LMX1A: variants seen among roughly 807,000 people sequenced by gnomAD.
LMX1A encodes the protein LIM homeobox transcription factor 1 alpha, also known as LIM homeobox transcription factor 1-alpha.
Under a neutral mutation model 49.1 loss-of-function variants are expected in LMX1A, and 15 were observed. The observed-to-expected ratio is 0.31, with a 90% CI of 0.20 to 0.47. LMX1A has a LOEUF of 0.47. Among genes scored for constraint, LMX1A ranks in the 20% least tolerant of loss-of-function variants. The pLI is 1.00. For missense variants in LMX1A, 372 were observed against 475.8 expected (o/e 0.78, Z 2.03); for synonymous variants, 167 against 185.7 (o/e 0.90, Z 0.82).
At chr1:165,339,049 A>G (rs1655985239) in intron 3 of LMX1A, among the ~76,000 whole-genome samples, 1 of 152,238 alleles carries the variant, frequency 6.6e-6, no homozygotes, top group Non-Finnish European at 1.5e-5. Context: ...ACTGCAATAA[A>G]TGGGATCATC....
Position 165,204,002 on chromosome 1 carries a change from T to C in LMX1A, c.1027A>G (p.Thr343Ala), listed in dbSNP as rs774926412. The C allele has an allele frequency of 1.2e-6, 2 of 1,613,966 alleles. No individual in the cohort carries two copies. Among genetic ancestry groups the C allele is most frequent in the Non-Finnish European group, 8.5e-7 (1 of 1,179,992 alleles). ...PLFHDLDSDD[T>A]SLSNLGDCFL... ...CAATCACCCAGGTTACTGAGGGAGG[T>C]GTCGTCGCTATCCAGGTCATGGAAA... Residue 343 changes from threonine to alanine, a missense_variant, in exon 9 of 9, where the codon ACC (threonine) becomes GCC (alanine). Around this residue, in one of 3 missense-constraint regions of LMX1A, gnomAD observed 127 missense variants for 138.0 expected, o/e 0.92. Transcript: ENST00000342310.
chr1:165,267,658 T>A (rs952042552), intron 3 of LMX1A, among the ~76,000 whole-genome samples: 2 of 152,056 alleles, frequency 1.3e-5, no homozygotes, highest in Non-Finnish European at 2.9e-5. Context: ...AGGTAAGAGA[T>A]GACAGAGACT....
rs372780251 is a variant in LMX1A at position 165,316,225 on chromosome 1, AG to A, written c.263+36850del. Among the ~76,000 whole-genome samples, 7 of 152,356 alleles carry A rather than the reference AG, an allele frequency of 4.6e-5. No individual in the cohort carries two copies. In the East Asian group the frequency reaches 1.4e-3, roughly 29 times the overall value. On this transcript the variant is annotated intron_variant, in intron 3 of 8. Transcript: ENST00000342310. Reference sequence around the variant, plus strand: ...ATGTTGTGTGAGACACAGTGCACACAGGCATGAAGGACAGACAGGTGGACAC... The same window carrying A: ...ATGTTGTGTGAGACACAGTGCACACAGCATGAAGGACAGACAGGTGGACAC...
At chr1:165,206,375 C>A (rs1307267030) in intron 7 of LMX1A, among the ~76,000 whole-genome samples, 2 of 152,056 alleles carry the variant, frequency 1.3e-5, no homozygotes, top group Admixed American at 1.3e-4. Context: ...ACCAGTTGAC[C>A]TCATTGGGTT....
chr1:165,275,720 G>C (rs1038077343), intron 3 of LMX1A, among the ~76,000 whole-genome samples: 8 of 152,166 alleles, frequency 5.3e-5, no homozygotes, highest in African/African-American at 1.7e-4. Flanking sequence ...TGGAGGGGAC[G>C]AGGCAGATGC....
chr1:165,345,453 C>T (rs1656211892), intron 3 of LMX1A, among the ~76,000 whole-genome samples: 1 of 152,284 alleles, frequency 6.6e-6, no homozygotes, highest in East Asian at 1.9e-4. Flanking sequence ...GCTAGCCAGG[C>T]TTCTGGCCAA....
At chr1:165,255,594 T>C (rs1653208195) in intron 3 of LMX1A, among the ~76,000 whole-genome samples, 1 of 152,170 alleles carries the variant, frequency 6.6e-6, no homozygotes. Context: ...ACCTATAAGG[T>C]GTAGTGCAAT....
At chr1:165,239,869 C>T (rs1253013130) in intron 4 of LMX1A, among the ~76,000 whole-genome samples, 1 of 152,160 alleles carries the variant, frequency 6.6e-6, no homozygotes, top group Non-Finnish European at 1.5e-5. Flanking sequence ...ATCATTTGTG[C>T]CTTTTGTCTT....
chr1:165,332,672 A>G (rs1225822610), intron 3 of LMX1A, among the ~76,000 whole-genome samples: 2 of 152,214 alleles, frequency 1.3e-5, no homozygotes, highest in South Asian at 2.1e-4. Flanking sequence ...TCAAGCAAAC[A>G]CATCCACCGT....
At chr1:165,210,107 C>T (rs1031182255) in intron 6 of LMX1A, among the ~76,000 whole-genome samples, 1 of 152,212 alleles carries the variant, frequency 6.6e-6, no homozygotes, top group African/African-American at 2.4e-5. Context: ...TTCCTCATAT[C>T]ATCCACTAAA....
chr1:165,286,233 T>C (rs1257794907), intron 3 of LMX1A, among the ~76,000 whole-genome samples: 2 of 152,200 alleles, frequency 1.3e-5, no homozygotes, highest in South Asian at 2.1e-4. Context: ...TGTCTGATAA[T>C]TTATGTAAAG....
chr1:165,315,883 C>T (rs1476902048), intron 3 of LMX1A, among the ~76,000 whole-genome samples: 1 of 152,200 alleles, frequency 6.6e-6, no homozygotes, highest in African/African-American at 2.4e-5. Flanking sequence ...CCTCTCTCAG[C>T]AGTACTGATT....
At chr1:165,231,410 C>G (rs1042339768) in intron 4 of LMX1A, among the ~76,000 whole-genome samples, 5 of 151,998 alleles carry the variant, frequency 3.3e-5, no homozygotes, top group African/African-American at 1.2e-4. Flanking sequence ...CTCAACCATC[C>G]TACAGCCTCA....
At chr1:165,239,642 A>G (rs1308315076) in intron 4 of LMX1A, among the ~76,000 whole-genome samples, 3 of 152,216 alleles carry the variant, frequency 2.0e-5, no homozygotes, top group Non-Finnish European at 4.4e-5. Context: ...ACAATCTGAA[A>G]GGCTCAGGCA....
At position 165,355,435 on chromosome 1, in the gene LMX1A, C is replaced by A. The variant is rs774075825; in HGVS notation, c.76+49G>T. The A allele has an allele frequency of 3.8e-6, 6 of 1,587,186 alleles. No individual in the cohort carries two copies. The highest frequency in any genetic ancestry group is 1.7e-4 in the Middle Eastern group (1 of 6,014). ...CAGAGAGCGGGGCTCCAGAGCTCAG[C>A]GCCAAGCGGAAAGAGAGTGCGCCCA... On this transcript the variant is annotated intron_variant, in intron 2 of 8. Coordinates refer to ENST00000342310, the MANE Select transcript of LMX1A (RefSeq NM_177398.4). The surrounding 1 kb of genome is among the most constrained non-coding windows in gnomAD (Gnocchi z 4.7).
intron 3 of LMX1A, among the ~76,000 whole-genome samples, chr1:165,284,787 C>T (rs1173085169): frequency 6.6e-6 from 1 of 152,218 alleles, no homozygotes; most frequent in Non-Finnish European, 1.5e-5. Context: ...GTAGCACCCT[C>T]ATGGGAAGAA....
intron 3 of LMX1A, among the ~76,000 whole-genome samples, chr1:165,346,399 CT>C (rs1656244972): frequency 1.3e-5 from 2 of 152,200 alleles, no homozygotes; most frequent in South Asian, 4.1e-4. Flanking sequence ...GCACAGTCCA[CT>C]TTGTATTTTT....
At chr1:165,349,735 C>T (rs1656363179) in intron 3 of LMX1A, among the ~76,000 whole-genome samples, 1 of 152,192 alleles carries the variant, frequency 6.6e-6, no homozygotes, top group Admixed American at 6.5e-5. Context: ...CAAGACGTCA[C>T]TGTCAATTCT....
chr1:165,253,629 C>T (rs1653132428), intron 3 of LMX1A, among the ~76,000 whole-genome samples: 1 of 152,228 alleles, frequency 6.6e-6, no homozygotes, highest in South Asian at 2.1e-4. Context: ...GTGTTACTTT[C>T]AACAGCTGCC....
Sources: allele counts gnomAD v4.1 joint callset (sites outside exome capture counted in the v4.1 genomes callset), GRCh38; gene constraint gnomAD v4.1.1; regional missense constraint gnomAD v4.1.1; non-coding constraint Gnocchi (gnomAD v3.1); transcripts MANE v1.5; gene names NCBI Gene and HGNC (gene_info 2026-07-23, HGNC 2026-07-21).